BCCIP: variants seen among roughly 807,000 people sequenced by gnomAD.
BCCIP encodes the protein BRCA2 and CDKN1A-interacting protein.
BCCIP carries 23 observed loss-of-function variants against 32.8 expected under a neutral mutation model. The ratio of observed to expected loss-of-function variants is 0.70; its 90% CI spans 0.51 to 0.99. BCCIP has a LOEUF of 0.99. Among genes scored for constraint, BCCIP ranks in the 50% least tolerant of loss-of-function variants. The pLI is 0.00. For synonymous variants in BCCIP, 144 were observed against 137.6 expected (o/e 1.05, Z -0.33); for missense variants, 378 against 379.8 (o/e 1.00, Z 0.04).
chr10:125,826,188 C>A, intron 1 of BCCIP: 1 of 195,170 alleles, frequency 5.1e-6, no homozygotes, highest in Non-Finnish European at 1.0e-5. Flanking sequence ...GCCTTACTAA[C>A]CTTTTCATCT....
downstream of BCCIP, chr10:125,838,325 C>T: frequency 6.2e-7 from 1 of 1,613,738 alleles, no homozygotes; most frequent in Non-Finnish European, 8.5e-7. Flanking sequence ...GGGGATGCAG[C>T]TGAGCAACCT....
In BCCIP at chr10:125,827,645, A is replaced by G; in HGVS notation, c.321+7A>G. 1.9e-6 allele frequency: 3 copies of G among 1,584,684 alleles called. No individual in the cohort carries two copies. Among genetic ancestry groups the G allele is most frequent in the South Asian group, 1.1e-5 (1 of 90,372 alleles). On this transcript the variant is annotated splice_region_variant and intron_variant, in intron 3 of 6. Transcript: ENST00000278100. ...TATTGGGAGTGTGATTAAGGTAAGT[A>G]GGATAATTGTGTTTATTCTGATTAA...
At chr10:125,824,375 T>C (rs1484737674) in intron 1 of BCCIP, among the ~76,000 whole-genome samples, 1 of 152,248 alleles carries the variant, frequency 6.6e-6, no homozygotes, top group Non-Finnish European at 1.5e-5. Flanking sequence ...TAGGACTGAA[T>C]GATCCTTCAG....
chr10:125,836,174 T>A lies in BCCIP; in HGVS notation c.845T>A (p.Phe282Tyr). Residue 282 changes from phenylalanine (F) to tyrosine (Y), a missense_variant, in exon 7 of 7, where the codon TTT (phenylalanine) becomes TAT (tyrosine). Transcript: ENST00000278100. ...SDTCLGGKWS[F>Y]DDVPMTPLRT... The stretch of plus-strand genomic sequence containing the variant: ...ACTTGTCTGGGAGGCAAATGGTCTT[T>A]TGATGACGTACCAATGACGCCCTTG... 6.2e-7 allele frequency: 1 copy of A among 1,614,264 alleles called. No individual in the cohort carries two copies. The highest frequency in any genetic ancestry group is 8.5e-7 in the Non-Finnish European group (1 of 1,180,042).
Position 125,832,336 on chromosome 10 carries a change from C to T in BCCIP, c.599+729C>T, listed in dbSNP as rs1423279473. ...TACAGGTGTCAGTCACAGCACTTGACCTAGACAGGTTCTTTATAGAATATT... is the reference window on the plus strand; with the variant it reads ...TACAGGTGTCAGTCACAGCACTTGATCTAGACAGGTTCTTTATAGAATATT... On this transcript the variant is annotated intron_variant, in intron 5 of 6. Transcript: ENST00000278100. Among the ~76,000 whole-genome samples the T allele has an allele frequency of 3.3e-5, 5 of 151,972 alleles. No homozygotes were observed. In the South Asian group the frequency reaches 1.0e-3, roughly 32 times the overall value.
Position 125,823,737 on chromosome 10 carries a change from C to G in BCCIP, c.165+15C>G. 6.2e-7 allele frequency: 1 copy of G among 1,613,620 alleles called. No individual in the cohort carries two copies. Among genetic ancestry groups the G allele is most frequent in the Non-Finnish European group, 8.5e-7 (1 of 1,179,638 alleles). ...TCATTGACGAGGTGAGAAGGACACGCTCCCCTAGTTGGTTTATACCTGAGA... is the reference window on the plus strand; with the variant it reads ...TCATTGACGAGGTGAGAAGGACACGGTCCCCTAGTTGGTTTATACCTGAGA... On this transcript the variant is annotated intron_variant, in intron 1 of 6. Coordinates refer to ENST00000278100, the MANE Select transcript of BCCIP (RefSeq NM_078468.3).
downstream of BCCIP, among the ~76,000 whole-genome samples, chr10:125,840,298 GGCTTT>G (rs1854835681): frequency 6.6e-6 from 1 of 152,178 alleles, no homozygotes. Flanking sequence ...AGGACTTTGT[GGCTTT>G]GCTTTGACAT....
In BCCIP at chr10:125,831,357, C is replaced by T. The variant is rs577038501; in HGVS notation, c.412-63C>T. The T allele has an allele frequency of 2.7e-6, 4 of 1,506,220 alleles. No homozygotes were observed. The Admixed American group carries it at 7.8e-5, about 29-fold the overall frequency. 93.3% of individuals were successfully genotyped at this position (1,506,220 alleles called of 1,614,324 possible). A position where few individuals can be genotyped will look rare whatever the true frequency, so the allele number is the denominator to read the frequency against. ...AAGATGAAAAGTGATAGCTTTTACT[C>T]TCAGGTTTTGTCCTCTATGTGATGG... On this transcript the variant is annotated intron_variant, in intron 4 of 6. Transcript: ENST00000278100.
chr10:125,838,127 TA>T, downstream of BCCIP: 2 of 1,405,898 alleles, frequency 1.4e-6, no homozygotes, highest in Non-Finnish European at 1.9e-6. Context: ...GAACTAAGAA[TA>T]AAAGCCAAAT....
At chr10:125,838,434 G>A (rs766707398), downstream of BCCIP, 44 of 1,462,164 alleles carry the variant, frequency 3.0e-5, no homozygotes, top group Middle Eastern at 1.8e-4. Context: ...TTAATATGGA[G>A]ATCATTATAC....
At chr10:125,853,654 T>G (rs561736742) in exon 8 of BCCIP, 1 of 281,598 alleles carries the variant, frequency 3.6e-6, no homozygotes, top group Admixed American at 4.9e-5. Context: ...GCTAGTACCT[T>G]AGCTAAAGAA....
chr10:125,840,761 A>G, downstream of BCCIP: 1 of 1,421,944 alleles, frequency 7.0e-7, no homozygotes, highest in Non-Finnish European at 9.4e-7. Flanking sequence ...CTGGCGAAGA[A>G]TGTTTGATGA....
intron 7 of BCCIP, chr10:125,853,039 T>C: frequency 1.0e-6 from 1 of 976,278 alleles, no homozygotes; most frequent in Non-Finnish European, 1.5e-6. Context: ...CTTGGTGGTC[T>C]CACCTTTACA....
At chr10:125,835,407 G>A (rs1394224281) in intron 6 of BCCIP, among the ~76,000 whole-genome samples, 1 of 151,942 alleles carries the variant, frequency 6.6e-6, no homozygotes, top group African/African-American at 2.4e-5. Context: ...ATGAAACGCT[G>A]TCTTTACTAA....
exon 7 of BCCIP, chr10:125,842,623 T>C (rs1854913768): frequency 6.3e-6 from 1 of 159,248 alleles, no homozygotes; most frequent in South Asian, 2.0e-4. Context: ...TACAAAAATA[T>C]TCAGTGCCCA....
rs538638022 is a variant in BCCIP, at chr10:125,826,749, CA to C, written c.240+85del. On this transcript the variant is annotated intron_variant, in intron 2 of 6. Coordinates refer to ENST00000278100, the MANE Select transcript of BCCIP (RefSeq NM_078468.3). ...GTGCAGTGGTTCATGCCTATAATCT[CA>C]GCATTTTGGAAGGCCGAGGTGAGAG... The C allele has an allele frequency of 6.4e-3, 9,857 of 1,548,630 alleles. 56 individuals carry two copies. Among genetic ancestry groups the C allele is most frequent in the South Asian group, 9.1e-3 (773 of 84,506 alleles).
chr10:125,843,350 A>G (rs560241488), downstream of BCCIP, among the ~76,000 whole-genome samples: 16 of 152,276 alleles, frequency 1.1e-4, no homozygotes, highest in South Asian at 2.1e-3. Flanking sequence ...CAAACTGAGT[A>G]GCTCAAAAAC....
chr10:125,834,333 G>A (rs1401048233), intron 6 of BCCIP, among the ~76,000 whole-genome samples: 1 of 152,192 alleles, frequency 6.6e-6, no homozygotes, highest in African/African-American at 2.4e-5. Flanking sequence ...GAAATTACCT[G>A]CGATCACACA....
At chr10:125,824,536 T>G (rs1854312216) in intron 1 of BCCIP, among the ~76,000 whole-genome samples, 1 of 152,238 alleles carries the variant, frequency 6.6e-6, no homozygotes, top group Non-Finnish European at 1.5e-5. Context: ...GGCTTAACTT[T>G]AATTCCTCCC....
Sources: gnomAD v4.1 joint callset for allele counts (sites outside exome capture counted in the v4.1 genomes callset) on GRCh38, gnomAD v4.1.1 for gene constraint, MANE v1.5 for transcripts, NCBI Gene and HGNC (gene_info 2026-07-23, HGNC 2026-07-21) for gene names.